Variants in PTGFRN observed in about 807,000 individuals in gnomAD.
PTGFRN encodes prostaglandin F2 receptor inhibitor, also known as prostaglandin F2 receptor negative regulator.
PTGFRN carries 35 observed loss-of-function variants against 83.2 expected under a neutral mutation model. The observed-to-expected ratio is 0.42, with a 90% confidence interval of 0.32 to 0.56. PTGFRN has a LOEUF of 0.56. Ranked by LOEUF, PTGFRN falls within the 20% of genes least tolerant of loss-of-function variation. The probability of loss-of-function intolerance (pLI) is 0.11; values close to 1 mark genes in which losing one functional copy is unlikely to be tolerated. For missense variants in PTGFRN, 1,051 were observed against 1,179.5 expected, an observed-to-expected ratio of 0.89 and a Z score of 1.60; for synonymous variants, 519 against 498.6, an observed-to-expected ratio of 1.04 and a Z score of -0.55.
At position 116,941,653 on chromosome 1, in the gene PTGFRN, A is replaced by G. The variant is rs1009256853; in HGVS notation, c.50-62A>G. ...GAGCAGGAGCATCCACAGGTTTGCC[A>G]CATTTGTCCTGGGAAGACTTTCTGT... On this transcript the variant is annotated intron_variant, in intron 1 of 8. Transcript: ENST00000393203. This position sits in a 1 kb window ranked among gnomAD's most constrained non-coding sequence, Gnocchi z 5.0. 1.3e-6 allele frequency: 2 copies of G among 1,539,464 alleles called. No homozygotes were observed. Among genetic ancestry groups the G allele is most frequent in the African/African-American group, 1.4e-5 (1 of 72,944 alleles).
intron 6 of PTGFRN, among the ~76,000 whole-genome samples, chr1:116,969,845 T>A (rs1020994776): frequency 1.3e-5 from 2 of 152,242 alleles, no homozygotes; most frequent in African/African-American, 4.8e-5. Context: ...TTCTTTTTGA[T>A]GCTATTGTAA....
intron 3 of PTGFRN, among the ~76,000 whole-genome samples, chr1:116,945,347 C>T (rs1313103986): frequency 6.6e-6 from 1 of 152,144 alleles, no homozygotes; most frequent in Non-Finnish European, 1.5e-5. Context: ...CCATGGAAAG[C>T]CACAGCCTGC....
chr1:116,961,938 C>A lies in PTGFRN; in HGVS notation c.1639+270C>A, dbSNP rs1458952504. On this transcript the variant is annotated intron_variant, in intron 5 of 8. Coordinates refer to ENST00000393203, the MANE Select transcript of PTGFRN (RefSeq NM_020440.4). This position sits in a 1 kb window ranked among gnomAD's most constrained non-coding sequence, Gnocchi z 5.4. ...AACTTTACCTCTGAATGTTTCTTTT[C>A]TCTTTCTTGCATTAAACATGGTGAC... Among the ~76,000 whole-genome samples the A allele has an allele frequency of 1.3e-5, 2 of 152,046 alleles. No homozygotes were observed. The highest frequency in any genetic ancestry group is 2.9e-5 in the Non-Finnish European group (2 of 68,008).
At position 116,984,747 on chromosome 1, in the gene PTGFRN, C is replaced by G. The variant is rs1651412786; in HGVS notation, c.2235C>G (p.Leu745=). 6.2e-7 allele frequency: 1 copy of G among 1,614,038 alleles called. No homozygotes were observed. ...HSFGLDKAPV[L]LSSLDRKGIV... ...TTGGCCTGGACAAGGCTCCTGTGCT[C>G]CTGTCTTCCCTGGATCGGAAGGGCA... The change falls in exon 8 of 9, where the codon CTC becomes CTG. Residue 745 remains leucine (L), a synonymous_variant. Coordinates refer to ENST00000393203, the MANE Select transcript of PTGFRN (RefSeq NM_020440.4).
intron 2 of PTGFRN, among the ~76,000 whole-genome samples, chr1:116,943,604 C>A (rs1261892120): frequency 6.6e-6 from 1 of 152,196 alleles, no homozygotes; most frequent in Non-Finnish European, 1.5e-5. Flanking sequence ...CCTTCAGCTT[C>A]ATGGCTCTTG....
At chr1:116,935,828 A>T (rs531870534) in intron 1 of PTGFRN, among the ~76,000 whole-genome samples, 96 of 152,232 alleles carry the variant, frequency 6.3e-4, no homozygotes, top group African/African-American at 2.2e-3. Flanking sequence ...TTAAATTTTA[A>T]TGGAATTTTA....
intron 6 of PTGFRN, among the ~76,000 whole-genome samples, chr1:116,969,278 G>A (rs551410147): frequency 6.6e-6 from 1 of 152,176 alleles, no homozygotes; most frequent in African/African-American, 2.4e-5. Context: ...ATTTTTGTAT[G>A]TGGTTAAGAA....
At chr1:116,985,031 CTTG>C (rs985344715) in intron 8 of PTGFRN, 46 bp downstream of exon 8, 1 of 1,276,068 alleles carries the variant, frequency 7.8e-7, no homozygotes, top group Non-Finnish European at 1.1e-6. Context: ...ATGTCTTCTT[CTTG>C]TGCCAGGCTG....
At chr1:116,925,658 T>TA (rs1469159537) in intron 1 of PTGFRN, among the ~76,000 whole-genome samples, 1 of 152,214 alleles carries the variant, frequency 6.6e-6, no homozygotes, top group African/African-American at 2.4e-5. Context: ...CTGCCTTCCC[T>TA]AAAAAGCTGG....
chr1:116,972,962 T>C (rs146106209), intron 6 of PTGFRN, among the ~76,000 whole-genome samples: 154 of 152,282 alleles, frequency 1.0e-3, no homozygotes, highest in African/African-American at 3.1e-3. Flanking sequence ...TTTATTTATT[T>C]ATTTATTTAT....
intron 2 of PTGFRN, among the ~76,000 whole-genome samples, chr1:116,944,477 G>GT (rs956050130): frequency 3.9e-5 from 6 of 152,052 alleles, no homozygotes; most frequent in Non-Finnish European, 8.8e-5. Flanking sequence ...CTAGCATGGG[G>GT]TTTTTTTGGT....
chr1:116,955,880 A>G (rs17036661), intron 4 of PTGFRN, among the ~76,000 whole-genome samples: 6,035 of 152,276 alleles, frequency 0.04, 381 homozygotes, highest in African/African-American at 0.14. Flanking sequence ...TAAAACCCTT[A>G]GAGAGCAGGG....
intron 8 of PTGFRN, 32 bp from the exon 9 acceptor site, chr1:116,986,765 CACTG>C: frequency 6.2e-7 from 1 of 1,606,996 alleles, no homozygotes. Flanking sequence ...TCCCTCGCAG[CACTG>C]ACTGGCTTCC....
intron 1 of PTGFRN, among the ~76,000 whole-genome samples, chr1:116,928,240 T>G (rs1377307437): frequency 6.6e-6 from 1 of 152,220 alleles, no homozygotes; most frequent in Non-Finnish European, 1.5e-5. Flanking sequence ...CTTAGTATTC[T>G]TTCACCTTTT....
At chr1:116,969,760 A>T (rs115774850) in intron 6 of PTGFRN, among the ~76,000 whole-genome samples, 188 of 151,868 alleles carry the variant, frequency 1.2e-3, no homozygotes, top group Non-Finnish European at 2.1e-3. Context: ...AGGTATTTAA[A>T]TTTTTTCCAT....
chr1:116,947,191 A>G (rs1650222603), intron 3 of PTGFRN, among the ~76,000 whole-genome samples: 1 of 152,206 alleles, frequency 6.6e-6, no homozygotes, highest in African/African-American at 2.4e-5. Flanking sequence ...GGCTGCTTAT[A>G]TATTCTTATC....
At position 116,936,871 on chromosome 1, in the gene PTGFRN, G is replaced by A. The variant is rs111753868; in HGVS notation, c.50-4844G>A. On this transcript the variant is annotated intron_variant, in intron 1 of 8. Transcript: ENST00000393203. ...TTCTAGGCACTGTCATTCAGCAATG[G>A]ACAAAACAAAAATCACTACTCATAT... 5.3e-3 allele frequency among the ~76,000 whole-genome samples: 809 copies of A among 152,012 alleles called. 4 individuals are homozygous for A. Among genetic ancestry groups the A allele is most frequent in the Non-Finnish European group, 9.3e-3 (633 of 67,964 alleles).
intron 1 of PTGFRN, among the ~76,000 whole-genome samples, chr1:116,936,456 A>G (rs953907651): frequency 1.3e-5 from 2 of 152,252 alleles, no homozygotes; most frequent in Middle Eastern, 3.2e-3. Flanking sequence ...GAGCTATCAT[A>G]TAGCCAATGT....
chr1:116,941,824 G>A lies in PTGFRN; in HGVS notation c.159G>A (p.Glu53=). 3 of 1,614,200 alleles carry A rather than the reference G, an allele frequency of 1.9e-6. No individual in the cohort carries two copies. Among genetic ancestry groups the A allele is most frequent in the Non-Finnish European group, 2.5e-6 (3 of 1,180,040 alleles). ...CNVSDYDGPS[E]QNFDWSFSSL... The stretch of plus-strand genomic sequence containing the variant: ...TCAGTGACTATGATGGCCCCAGCGA[G>A]CAAAACTTTGACTGGAGCTTCTCAT... The change falls in exon 2 of 9, where the codon GAG becomes GAA. Residue 53 remains glutamate, a synonymous_variant. Coordinates refer to ENST00000393203, the MANE Select transcript of PTGFRN (RefSeq NM_020440.4). This position sits in a 1 kb window ranked among gnomAD's most constrained non-coding sequence, Gnocchi z 5.0.
Sources: allele counts gnomAD v4.1 joint callset (sites outside exome capture counted in the v4.1 genomes callset), GRCh38; gene constraint gnomAD v4.1.1; non-coding constraint Gnocchi (gnomAD v3.1); transcripts MANE v1.5; gene names NCBI Gene and HGNC (gene_info 2026-07-23, HGNC 2026-07-21).